Variants in OR51B5 observed in about 807,000 individuals in gnomAD.
OR51B5 encodes the protein olfactory receptor 51B5.
For missense variants in OR51B5, 456 were observed against 374.6 expected (o/e 1.22, Z -1.79); for synonymous variants, 186 against 144.8 (o/e 1.28, Z -2.04).
At chr11:5,376,635 C>T (rs1375007853) in intron 1 of OR51B5, among the ~76,000 whole-genome samples, 1 of 152,000 alleles carries the variant, frequency 6.6e-6, no homozygotes, top group Non-Finnish European at 1.5e-5. Context: ...GATATCACCA[C>T]CGATCCCACA....
intron 1 of OR51B5, chr11:5,453,841 T>C (rs1258322375): frequency 6.2e-7 from 1 of 1,613,562 alleles, no homozygotes; most frequent in Non-Finnish European, 8.5e-7. Context: ...CTGCTGGCCA[T>C]GAGTTTTGAC....
chr11:5,342,295 G>A (rs2133676584), downstream of OR51B5, among the ~76,000 whole-genome samples: 1 of 152,248 alleles, frequency 6.6e-6, no homozygotes, highest in South Asian at 2.1e-4. Context: ...ATAAACATAT[G>A]TTAGTTACAT....
In OR51B5 at chr11:5,422,066, G is replaced by C. The variant is rs1850347786; in HGVS notation, n.85-75156C>G. On this transcript the variant is annotated intron_variant and non_coding_transcript_variant, in intron 1 of 4. Coordinates refer to the OR51B5 transcript ENST00000415970. ...ATATATCACAATGTTCTTAAATCTT[G>C]CTTTAGTTACCCTCAACAACTCTGA... 3 of 693,072 alleles carry C rather than the reference G, an allele frequency of 4.3e-6. No homozygotes were observed. In the East Asian group the frequency reaches 8.1e-5, roughly 19 times the overall value. 42.9% of individuals were successfully genotyped at this position (693,072 alleles called of 1,614,324 possible).
chr11:5,373,993 A>G (rs867295026), intron 1 of OR51B5, among the ~76,000 whole-genome samples: 15 of 152,054 alleles, frequency 9.9e-5, no homozygotes, highest in East Asian at 7.8e-4. Flanking sequence ...CTCCCAGCAC[A>G]CAGCTGGAGA....
At chr11:5,432,768 G>T (rs1850550095) in intron 1 of OR51B5, among the ~76,000 whole-genome samples, 1 of 152,200 alleles carries the variant, frequency 6.6e-6, no homozygotes, top group Non-Finnish European at 1.5e-5. Context: ...CAGCTTAAAA[G>T]TCAGTTTCTG....
At chr11:5,454,070 C>A in intron 1 of OR51B5, 1 of 1,614,124 alleles carries the variant, frequency 6.2e-7, no homozygotes, top group Non-Finnish European at 8.5e-7. Flanking sequence ...ATATCAGTAT[C>A]AACAGCATCT....
chr11:5,460,693 C>T (rs1225294952), intron 1 of OR51B5, among the ~76,000 whole-genome samples: 2 of 152,214 alleles, frequency 1.3e-5, no homozygotes, highest in Non-Finnish European at 2.9e-5. Flanking sequence ...CTGGTTCTTT[C>T]TCTGCGTTGG....
At chr11:5,397,713 A>C (rs1202451514) in intron 1 of OR51B5, among the ~76,000 whole-genome samples, 2 of 151,280 alleles carry the variant, frequency 1.3e-5, no homozygotes, top group Non-Finnish European at 3.0e-5. Flanking sequence ...ATACACCCAA[A>C]GGATTATAAA....
At chr11:5,486,082 C>G (rs1423235802) in intron 1 of OR51B5, among the ~76,000 whole-genome samples, 2 of 152,008 alleles carry the variant, frequency 1.3e-5, no homozygotes, top group Non-Finnish European at 2.9e-5. Context: ...AAGAACCAAA[C>G]CTGCCAACAT....
chr11:5,415,230 G>C (rs1485084144), intron 1 of OR51B5, among the ~76,000 whole-genome samples: 1 of 150,872 alleles, frequency 6.6e-6, no homozygotes, highest in Non-Finnish European at 1.5e-5. Flanking sequence ...AAACCAACGA[G>C]AACAAAGACA....
intron 1 of OR51B5, chr11:5,505,505 G>C: frequency 7.9e-7 from 1 of 1,271,968 alleles, no homozygotes; most frequent in Non-Finnish European, 1.0e-6. Context: ...CCGTTTTCAC[G>C]CTGCTAATGA....
intron 1 of OR51B5, chr11:5,352,355 C>G: frequency 6.2e-7 from 1 of 1,613,820 alleles, no homozygotes. Flanking sequence ...CTTTTCCCAC[C>G]TTTTATGAAC....
intron 1 of OR51B5, chr11:5,430,508 T>A (rs1850517464): frequency 2.8e-6 from 1 of 359,606 alleles, no homozygotes; most frequent in South Asian, 2.1e-5. Context: ...GAATAACTCT[T>A]GCATTTCAGA....
At chr11:5,401,852 TCTG>T (rs150422972) in intron 1 of OR51B5, among the ~76,000 whole-genome samples, 112,344 of 149,354 alleles carry the variant, frequency 0.75, 44,082 homozygotes, top group Non-Finnish European at 0.87. Context: ...CTCTTTTTCT[TCTG>T]CTTTTTCTTT....
At position 5,439,796 on chromosome 11, in the gene OR51B5, G is replaced by A. The variant is rs139921138; in HGVS notation, n.84+65773C>T. 1.2e-3 allele frequency among the ~76,000 whole-genome samples: 188 copies of A among 152,258 alleles called. 1 individual carries two copies. The East Asian group carries it at 0.018, about 15-fold the overall frequency. On this transcript the variant is annotated intron_variant and non_coding_transcript_variant, in intron 1 of 4. Coordinates refer to the OR51B5 transcript ENST00000415970. ...AATACCTGAGTGCTGTCAGAAAAGAGAAACATTGTCCTTCTCAAGGTATAA... is the reference window on the plus strand; with the variant it reads ...AATACCTGAGTGCTGTCAGAAAAGAAAAACATTGTCCTTCTCAAGGTATAA...
rs751616967 is a variant in OR51B5, at chr11:5,352,087, C to A, written n.85-5177G>T. 3 of 1,614,086 alleles carry A rather than the reference C, an allele frequency of 1.9e-6. No homozygotes were observed. The South Asian group carries it at 3.3e-5, about 18-fold the overall frequency. On this transcript the variant is annotated intron_variant and non_coding_transcript_variant, in intron 1 of 4. Coordinates refer to the OR51B5 transcript ENST00000415970. ...AGCCTGTGCTGACATCACCTTCAAC[C>A]GTCTCTATCCAGTTGTAGTTTTATT... is the stretch of plus-strand genomic sequence containing the variant.
chr11:5,382,674 G>A (rs184605951), intron 1 of OR51B5, among the ~76,000 whole-genome samples: 24 of 152,196 alleles, frequency 1.6e-4, no homozygotes, highest in Middle Eastern at 3.4e-3. Flanking sequence ...CTATTGTACC[G>A]AAGCCAGAAC....
At chr11:5,342,807 CACAGGT>C in exon 1 of OR51B5, 1 of 1,613,484 alleles carries the variant, frequency 6.2e-7, no homozygotes, top group Non-Finnish European at 8.5e-7. Context: ...ATATGGGAGA[CACAGGT>C]AATGAGAGCC....
chr11:5,365,880 C>G (rs374905420), intron 1 of OR51B5, among the ~76,000 whole-genome samples: 1 of 152,154 alleles, frequency 6.6e-6, no homozygotes, highest in East Asian at 1.9e-4. Flanking sequence ...CTTAGAGGAA[C>G]TCTGCTTACC....
Sources: gnomAD v4.1 joint callset for allele counts (sites outside exome capture counted in the v4.1 genomes callset) on GRCh38, gnomAD v4.1.1 for gene constraint, MANE v1.5 for transcripts, NCBI Gene and HGNC (gene_info 2026-07-23, HGNC 2026-07-21) for gene names.